Variants in RABGAP1L observed in about 807,000 individuals in gnomAD.
RABGAP1L encodes the protein RAB GTPase activating protein 1 like.
RABGAP1L carries 63 observed loss-of-function variants against 137.7 expected under a neutral mutation model. The ratio of observed to expected loss-of-function variants is 0.46; its 90% CI spans 0.37 to 0.56. RABGAP1L has a LOEUF of 0.56. Among genes scored for constraint, RABGAP1L ranks in the 20% least tolerant of loss-of-function variants. The probability of loss-of-function intolerance (pLI) is 0.00; values close to 1 mark genes in which losing one functional copy is unlikely to be tolerated. For synonymous variants in RABGAP1L, 431 were observed against 433.7 expected, an observed-to-expected ratio of 0.99 and a Z score of 0.08; for missense variants, 1,095 against 1,244.0, an observed-to-expected ratio of 0.88 and a Z score of 1.80.
intron 1 of RABGAP1L, among the ~76,000 whole-genome samples, chr1:174,191,151 G>A (rs1667185907): frequency 6.6e-6 from 1 of 152,032 alleles, no homozygotes; most frequent in African/African-American, 2.4e-5. Context: ...ATAAAATGAG[G>A]TATGCCTGTA....
At chr1:174,676,300 G>A (rs1438634228) in intron 14 of RABGAP1L, among the ~76,000 whole-genome samples, 2 of 151,982 alleles carry the variant, frequency 1.3e-5, no homozygotes, top group Non-Finnish European at 2.9e-5. Flanking sequence ...AAATATTAGG[G>A]AATTCATACT....
intron 18 of RABGAP1L, among the ~76,000 whole-genome samples, chr1:174,765,097 A>G (rs969088614): frequency 6.6e-6 from 1 of 152,210 alleles, no homozygotes; most frequent in Non-Finnish European, 1.5e-5. Flanking sequence ...GTAGGGCAGG[A>G]ATTCCTCCCG....
chr1:174,288,187 A>C (rs759919515), intron 10 of RABGAP1L, among the ~76,000 whole-genome samples: 3 of 152,168 alleles, frequency 2.0e-5, no homozygotes, highest in Non-Finnish European at 4.4e-5. Flanking sequence ...TTTAGCTATA[A>C]TTATTTTTAA....
chr1:174,562,901 G>A (rs1428951923), intron 13 of RABGAP1L, among the ~76,000 whole-genome samples: 1 of 152,134 alleles, frequency 6.6e-6, no homozygotes, highest in Non-Finnish European at 1.5e-5. Flanking sequence ...AATACCTAAT[G>A]TAGATGGTGG....
chr1:174,741,372 T>C (rs1683394707), intron 17 of RABGAP1L, among the ~76,000 whole-genome samples: 1 of 152,164 alleles, frequency 6.6e-6, no homozygotes, highest in South Asian at 2.1e-4. Flanking sequence ...TTTGTTTTTG[T>C]GTTTTTTTGA....
chr1:174,449,761 C>T (rs1455197297), intron 13 of RABGAP1L, among the ~76,000 whole-genome samples: 1 of 152,128 alleles, frequency 6.6e-6, no homozygotes, highest in Non-Finnish European at 1.5e-5. Context: ...GCCAAACAAC[C>T]CCTTTGCTTG....
intron 19 of RABGAP1L, chr1:174,849,809 C>A: frequency 3.7e-6 from 2 of 546,890 alleles, no homozygotes; most frequent in South Asian, 2.8e-5. Context: ...TGAGAAGTGT[C>A]AATGCTTCTA....
At chr1:174,785,056 A>AT (rs1015179748) in intron 18 of RABGAP1L, among the ~76,000 whole-genome samples, 2 of 151,982 alleles carry the variant, frequency 1.3e-5, no homozygotes, top group Admixed American at 6.6e-5. Context: ...ATTTTATTTT[A>AT]TTTTTTTATT....
intron 14 of RABGAP1L, among the ~76,000 whole-genome samples, chr1:174,662,951 C>A (rs564302903): frequency 6.6e-6 from 1 of 152,216 alleles, no homozygotes; most frequent in East Asian, 1.9e-4. Flanking sequence ...TAAAATATTT[C>A]TGTATAGCTG....
chr1:174,840,556 A>C (rs751987098), intron 19 of RABGAP1L, among the ~76,000 whole-genome samples: 5 of 151,860 alleles, frequency 3.3e-5, no homozygotes, highest in Non-Finnish European at 7.4e-5. Flanking sequence ...TCACGCCTGT[A>C]ATCCCAGCAC....
chr1:174,348,267 A>G (rs1682637985), intron 11 of RABGAP1L, among the ~76,000 whole-genome samples: 1 of 149,064 alleles, frequency 6.7e-6, no homozygotes. Context: ...CAACAAACAT[A>G]CTATTAGGTT....
rs186438069 is a variant in RABGAP1L at position 174,822,144 on chromosome 1, C to G, written c.2340+10184C>G. 1.8e-3 allele frequency among the ~76,000 whole-genome samples: 268 copies of G among 152,252 alleles called. 2 individuals carry two copies. Among genetic ancestry groups the G allele is most frequent in the African/African-American group, 5.0e-3 (207 of 41,544 alleles). Reference sequence around the variant, plus strand: ...GGCATGGTGGCGCACGCCTGTAGTCCCAGCTACTCGAGAGGCTGAGGCAGG... The same window carrying G: ...GGCATGGTGGCGCACGCCTGTAGTCGCAGCTACTCGAGAGGCTGAGGCAGG... On this transcript the variant is annotated intron_variant, in intron 19 of 25. Coordinates refer to ENST00000681986, the MANE Select transcript of RABGAP1L (RefSeq NM_001366446.1).
chr1:174,374,338 A>G (rs915740198), intron 12 of RABGAP1L, among the ~76,000 whole-genome samples: 6 of 152,108 alleles, frequency 3.9e-5, no homozygotes, highest in African/African-American at 1.4e-4. Context: ...GAACAGGGGC[A>G]TAGTCTTCCG....
At chr1:174,553,281 C>A (rs1461496752) in intron 13 of RABGAP1L, among the ~76,000 whole-genome samples, 1 of 152,124 alleles carries the variant, frequency 6.6e-6, no homozygotes, top group African/African-American at 2.4e-5. Flanking sequence ...TTTTTGGCAT[C>A]TTTGTCATGA....
intron 24 of RABGAP1L, among the ~76,000 whole-genome samples, chr1:174,984,416 T>G (rs970680606): frequency 4.6e-5 from 7 of 152,216 alleles, no homozygotes; most frequent in Non-Finnish European, 8.8e-5. Flanking sequence ...TATGTATACA[T>G]GCAAATTAAG....
intron 1 of RABGAP1L, among the ~76,000 whole-genome samples, chr1:174,196,773 T>A (rs1236090258): frequency 6.6e-6 from 1 of 152,142 alleles, no homozygotes; most frequent in East Asian, 1.9e-4. Flanking sequence ...TGTTTTCCTG[T>A]ATCTTATAGT....
intron 13 of RABGAP1L, among the ~76,000 whole-genome samples, chr1:174,452,718 C>T (rs367785106): frequency 5.9e-5 from 9 of 152,028 alleles, no homozygotes; most frequent in East Asian, 1.9e-4. Context: ...GCTGCCACCA[C>T]GCCCAGCTAA....
At chr1:174,843,263 C>T (rs1244829515) in intron 19 of RABGAP1L, among the ~76,000 whole-genome samples, 2 of 141,002 alleles carry the variant, frequency 1.4e-5, no homozygotes, top group Admixed American at 1.5e-4. Context: ...TTTTAGGGTA[C>T]ATGTGCACAT....
At chr1:174,549,687 T>C (rs1244712990) in intron 13 of RABGAP1L, among the ~76,000 whole-genome samples, 1 of 152,192 alleles carries the variant, frequency 6.6e-6, no homozygotes. Context: ...AAGAATAATT[T>C]CAGAAGCTTA....
Sources: gnomAD v4.1 joint callset for allele counts (sites outside exome capture counted in the v4.1 genomes callset) on GRCh38, gnomAD v4.1.1 for gene constraint, MANE v1.5 for transcripts, NCBI Gene and HGNC (gene_info 2026-07-23, HGNC 2026-07-21) for gene names.